UMAD1: variants seen among roughly 807,000 people sequenced by gnomAD.
UMAD1 encodes the protein UBAP1-MVB12-associated (UMA)-domain containing protein 1.
A neutral mutation model predicts 6.1 loss-of-function variants in UMAD1; 8 were observed. That is an observed-to-expected ratio of 1.30 (90% CI 0.76 to 2.35). The LOEUF (loss-of-function observed/expected upper bound fraction) is 2.35, where lower values mean the gene tolerates loss of function less well. Among genes scored for constraint, UMAD1 ranks in the 30% most tolerant of loss-of-function variants. The pLI is 0.00. For missense variants in UMAD1, 130 were observed against 78.4 expected (o/e 1.66, Z -2.49); for synonymous variants, 56 against 31.4 (o/e 1.78, Z -2.61).
At chr7:7,747,197 T>C (rs1417678564) in intron 2 of UMAD1, among the ~76,000 whole-genome samples, 1 of 152,188 alleles carries the variant, frequency 6.6e-6, no homozygotes, top group East Asian at 1.9e-4. Flanking sequence ...AGTATTGTTT[T>C]GGAGTTGCTA....
chr7:7,642,778 C>T (rs1484598168), intron 1 of UMAD1, among the ~76,000 whole-genome samples: 2 of 152,114 alleles, frequency 1.3e-5, no homozygotes, highest in Non-Finnish European at 2.9e-5. Context: ...TACCAGTTTG[C>T]ACTTCCCCAA....
chr7:7,640,838 G>A lies in UMAD1; in HGVS notation c.-64+17G>A, dbSNP rs1265763773. On this transcript the variant is annotated intron_variant, in intron 1 of 3. Coordinates refer to ENST00000682710, the MANE Select transcript of UMAD1 (RefSeq NM_001302348.2). The stretch of plus-strand genomic sequence containing the variant: ...CAGCCTCAGGTACCTCGTCTCGCGG[G>A]AGGCGCCGCAACCTTACTGTTTCCC... 5.0e-6 allele frequency: 1 copy of A among 198,798 alleles called. No individual in the cohort carries two copies. Among genetic ancestry groups the A allele is most frequent in the South Asian group, 6.7e-5 (1 of 14,986 alleles). 12.3% of individuals were successfully genotyped at this position (198,798 alleles called of 1,614,324 possible). A position where few individuals can be genotyped will look rare whatever the true frequency, so the allele number is the denominator to read the frequency against.
chr7:7,756,864 G>A (rs11975101), intron 2 of UMAD1, among the ~76,000 whole-genome samples: 3,532 of 152,280 alleles, frequency 0.023, 142 homozygotes, highest in African/African-American at 0.08. Flanking sequence ...CTACTGGGCA[G>A]CCAGGGTTGA....
chr7:7,778,275 T>TGTGTGTGTGTGTGTGTGTGAGA (rs1271237125), intron 2 of UMAD1, among the ~76,000 whole-genome samples: 1 of 110,594 alleles, frequency 9.0e-6, no homozygotes, highest in Non-Finnish European at 1.8e-5. Context: ...TGTGTGTGTG[T>TGTGTGTGTGTGTGTGTGTGAGA]GAGAGAGAGA....
chr7:7,865,986 A>G (rs1246481790), intron 3 of UMAD1, among the ~76,000 whole-genome samples: 1 of 152,242 alleles, frequency 6.6e-6, no homozygotes, highest in Non-Finnish European at 1.5e-5. Context: ...GGAATAACTT[A>G]TCTCATGCTT....
At chr7:7,757,448 G>A (rs1781799354) in intron 2 of UMAD1, among the ~76,000 whole-genome samples, 1 of 152,110 alleles carries the variant, frequency 6.6e-6, no homozygotes, top group South Asian at 2.1e-4. Context: ...TTTTTTTTAA[G>A]AGAGTGATCT....
intron 2 of UMAD1, chr7:7,692,341 C>T (rs567115723): frequency 2.6e-5 from 4 of 152,160 alleles, no homozygotes; most frequent in Non-Finnish European, 4.4e-5. Flanking sequence ...TTCTTGTACT[C>T]CTGCAGACCA....
chr7:7,852,135 C>G (rs971559891), intron 3 of UMAD1, among the ~76,000 whole-genome samples: 1 of 152,136 alleles, frequency 6.6e-6, no homozygotes, highest in African/African-American at 2.4e-5. Flanking sequence ...ACTATTCTTT[C>G]CACATTGAAT....
At chr7:7,765,716 T>A (rs370667540) in intron 2 of UMAD1, among the ~76,000 whole-genome samples, 1 of 152,170 alleles carries the variant, frequency 6.6e-6, no homozygotes, top group Non-Finnish European at 1.5e-5. Flanking sequence ...ATCATTAATA[T>A]GTTCAGTCAA....
At chr7:7,862,563 C>T (rs1784134775) in intron 3 of UMAD1, among the ~76,000 whole-genome samples, 1 of 152,170 alleles carries the variant, frequency 6.6e-6, no homozygotes, top group African/African-American at 2.4e-5. Context: ...CTGTGGTATA[C>T]ATAATAAGCT....
At chr7:7,855,790 T>A (rs1294592165) in intron 3 of UMAD1, among the ~76,000 whole-genome samples, 1 of 152,220 alleles carries the variant, frequency 6.6e-6, no homozygotes, top group African/African-American at 2.4e-5. Flanking sequence ...TTCTACTGTA[T>A]CATCTGGATG....
chr7:7,658,587 G>C (rs1378067588), intron 1 of UMAD1, among the ~76,000 whole-genome samples: 1 of 152,134 alleles, frequency 6.6e-6, no homozygotes, highest in Non-Finnish European at 1.5e-5. Flanking sequence ...TTTTGTCATT[G>C]ACTCTGTTTA....
intron 2 of UMAD1, among the ~76,000 whole-genome samples, chr7:7,722,142 ACTCTCT>A (rs34667843): frequency 6.9e-6 from 1 of 144,014 alleles, no homozygotes; most frequent in African/African-American, 2.6e-5. Context: ...TCCTTAATAA[ACTCTCT>A]CTCTCTCTCT....
rs183432416 is a variant in UMAD1, at chr7:7,728,473, G to A, written c.82+55020G>A. Among the ~76,000 whole-genome samples, 455 of 152,128 alleles carry A rather than the reference G, an allele frequency of 3.0e-3. 4 individuals carry two copies. The highest frequency in any genetic ancestry group is 0.01 in the East Asian group (52 of 5,178). On this transcript the variant is annotated intron_variant, in intron 2 of 3. Coordinates refer to ENST00000682710, the MANE Select transcript of UMAD1 (RefSeq NM_001302348.2). Reference sequence around the variant, plus strand: ...AGCCTGACCAACATGGTGAAACCCCGTCTCTGCTAAAAATACAAAAATCAG... The same window carrying A: ...AGCCTGACCAACATGGTGAAACCCCATCTCTGCTAAAAATACAAAAATCAG...
intron 1 of UMAD1, 121 bp from the exon 2 acceptor site, chr7:7,673,188 T>C (rs138338546): frequency 2.8e-6 from 2 of 723,036 alleles, no homozygotes; most frequent in Non-Finnish European, 4.9e-6. Context: ...TGGTTTTACA[T>C]GTGGCCATAG....
intron 2 of UMAD1, among the ~76,000 whole-genome samples, chr7:7,792,939 G>A (rs112448284): frequency 7.2e-5 from 11 of 152,206 alleles, no homozygotes; most frequent in African/African-American, 2.6e-4. Context: ...ACTCGTGAGG[G>A]CTCCATCCTC....
chr7:7,786,675 T>A (rs868570183), intron 2 of UMAD1, among the ~76,000 whole-genome samples: 28 of 152,234 alleles, frequency 1.8e-4, no homozygotes, highest in African/African-American at 5.8e-4. Flanking sequence ...ATCAGTTTAG[T>A]GCAGAAGAGA....
intron 2 of UMAD1, among the ~76,000 whole-genome samples, chr7:7,677,816 GGCGC>G (rs1779786170): frequency 6.7e-6 from 1 of 150,078 alleles, no homozygotes; most frequent in Non-Finnish European, 1.5e-5. Context: ...TGGGACTACA[GGCGC>G]CCGCCACTAC....
chr7:7,799,608 C>T (rs79824649), intron 2 of UMAD1, among the ~76,000 whole-genome samples: 411 of 152,286 alleles, frequency 2.7e-3, no homozygotes, highest in African/African-American at 9.2e-3. Flanking sequence ...GTGCGTTATA[C>T]GTATTTTCTT....
Sources: allele counts gnomAD v4.1 joint callset (sites outside exome capture counted in the v4.1 genomes callset), GRCh38; gene constraint gnomAD v4.1.1; transcripts MANE v1.5; gene names NCBI Gene and HGNC (gene_info 2026-07-23, HGNC 2026-07-21).